CAST: variants seen among roughly 807,000 people sequenced by gnomAD.
The protein encoded by CAST is MIR583 host.
CAST carries 76 observed loss-of-function variants against 119.6 expected under a neutral mutation model. That is an observed-to-expected ratio of 0.64 (90% CI 0.53 to 0.77). The LOEUF (loss-of-function observed/expected upper bound fraction) is 0.77. Among genes scored for constraint, CAST ranks in the 30% least tolerant of loss-of-function variants. The pLI, the probability that CAST is intolerant of heterozygous loss-of-function variation, is 0.00. For synonymous variants in CAST, 319 were observed against 331.6 expected (o/e 0.96, Z 0.41); for missense variants, 953 against 946.5 (o/e 1.01, Z -0.09).
At chr5:96,735,300 C>G (rs1433133989) in intron 9 of CAST, among the ~76,000 whole-genome samples, 1 of 152,206 alleles carries the variant, frequency 6.6e-6, no homozygotes, top group African/African-American at 2.4e-5. Flanking sequence ...TTATGCAAAC[C>G]TTGGCAGTCA....
chr5:96,677,963 A>G (rs1750905118), intron 2 of CAST, among the ~76,000 whole-genome samples: 1 of 152,226 alleles, frequency 6.6e-6, no homozygotes, highest in South Asian at 2.1e-4. Flanking sequence ...AAAGGGCCTC[A>G]TTCTTTATGT....
intron 1 of CAST, among the ~76,000 whole-genome samples, chr5:96,581,927 G>A (rs1402311626): frequency 7.0e-6 from 1 of 142,852 alleles, no homozygotes; most frequent in Non-Finnish European, 1.5e-5. Flanking sequence ...TAAACAATCT[G>A]AATACCCATC....
At position 96,534,737 on chromosome 5, in the gene CAST, G is replaced by GAGAGAGAGAGAGAAAGAGAA. The variant is rs1561408818; in HGVS notation, c.60+4862_60+4863insGAGAGAGAAAGAGAAAGAGA. ...AAGGAGAGAGAGAGAGAGAGAGAGAGAGAGAAAGAAAGAAAGAAAGAAAGA... is the reference window on the plus strand; with the variant it reads ...AAGGAGAGAGAGAGAGAGAGAGAGAGAGAGAGAGAGAGAAAGAGAAAGAGAAAGAAAGAAAGAAAGAAAGA... On this transcript the variant is annotated intron_variant, in intron 1 of 11. Coordinates refer to the CAST transcript ENST00000505143. 2.8e-4 allele frequency among the ~76,000 whole-genome samples: 4 copies of GAGAGAGAGAGAGAAAGAGAA among 14,230 alleles called. 1 individual carries two copies. The highest frequency in any genetic ancestry group is 8.6e-4 in the African/African-American group (4 of 4,648). The allele number at this position is 14,230 out of a possible 152,430, so 9.3% of individuals were successfully genotyped here.
chr5:96,719,936 C>G (rs1043162480), intron 3 of CAST, among the ~76,000 whole-genome samples: 3 of 152,190 alleles, frequency 2.0e-5, no homozygotes, highest in Non-Finnish European at 4.4e-5. Context: ...AACTGCCTGT[C>G]TCAACTATCC....
the CAST span, among the ~76,000 whole-genome samples, chr5:96,328,586 T>G: frequency 6.6e-6 from 1 of 152,182 alleles, no homozygotes; most frequent in Non-Finnish European, 1.5e-5. Context: ...TCTTTCTCAC[T>G]CGCTCACTGC....
At chr5:95,967,166 G>A in the CAST span, among the ~76,000 whole-genome samples, 12 of 152,166 alleles carry the variant, frequency 7.9e-5, no homozygotes, top group Non-Finnish European at 1.8e-4. Context: ...GGGAGGGAAT[G>A]TTTGTTTAGC....
chr5:96,768,731 C>A (rs1484928673), intron 29 of CAST, among the ~76,000 whole-genome samples: 2 of 152,184 alleles, frequency 1.3e-5, no homozygotes, highest in African/African-American at 2.4e-5. Flanking sequence ...GAGCTTCCTC[C>A]CCTTTTCTGT....
chr5:96,710,347 A>C (rs1755863071), intron 3 of CAST, among the ~76,000 whole-genome samples: 1 of 152,178 alleles, frequency 6.6e-6, no homozygotes, highest in South Asian at 2.1e-4. Context: ...GAGCCACTAC[A>C]AAGCCATCTT....
the CAST span, among the ~76,000 whole-genome samples, chr5:96,166,229 A>C: frequency 6.6e-6 from 1 of 152,206 alleles, no homozygotes; most frequent in Non-Finnish European, 1.5e-5. Flanking sequence ...ATAATTAGGA[A>C]ATGATGTTTT....
chr5:95,995,974 T>C, the CAST span, among the ~76,000 whole-genome samples: 1 of 152,162 alleles, frequency 6.6e-6, no homozygotes, highest in Non-Finnish European at 1.5e-5. Flanking sequence ...ATGGTAGACA[T>C]ATGACATCAT....
chr5:96,744,195 CCTCTTTTCCA>C (rs1763271239), intron 16 of CAST, among the ~76,000 whole-genome samples: 1 of 152,132 alleles, frequency 6.6e-6, no homozygotes, highest in African/African-American at 2.4e-5. Flanking sequence ...AAAAAGAACT[CCTCTTTTCCA>C]CTCTTATGAC....
chr5:96,477,528 C>T, the CAST span, among the ~76,000 whole-genome samples: 1 of 152,238 alleles, frequency 6.6e-6, no homozygotes, highest in African/African-American at 2.4e-5. Context: ...ACTCTTACCA[C>T]AGTCACCATG....
chr5:96,609,910 T>C (rs1034486997), intron 1 of CAST, among the ~76,000 whole-genome samples: 1 of 152,128 alleles, frequency 6.6e-6, no homozygotes, highest in Admixed American at 6.5e-5. Context: ...ACTGTGGGCA[T>C]GGCATGATTG....
the CAST span, among the ~76,000 whole-genome samples, chr5:96,197,417 A>G: frequency 6.6e-6 from 1 of 152,196 alleles, no homozygotes; most frequent in Non-Finnish European, 1.5e-5. Context: ...AGAGGAATAC[A>G]GAGATGAATA....
At chr5:96,005,992 G>T in the CAST span, among the ~76,000 whole-genome samples, 1 of 152,012 alleles carries the variant, frequency 6.6e-6, no homozygotes, top group Non-Finnish European at 1.5e-5. Flanking sequence ...TGTCTATATA[G>T]GTTTTAGATT....
chr5:96,481,429 C>A, the CAST span, among the ~76,000 whole-genome samples: 1 of 152,112 alleles, frequency 6.6e-6, no homozygotes, highest in African/African-American at 2.4e-5. Context: ...TCATTATTGC[C>A]TACCCACTCT....
chr5:96,640,289 GA>G (rs1747934528), intron 1 of CAST, among the ~76,000 whole-genome samples: 1 of 152,142 alleles, frequency 6.6e-6, no homozygotes, highest in Non-Finnish European at 1.5e-5. Flanking sequence ...GCCAGGGGAG[GA>G]AAAACTCTAG....
At chr5:96,278,037 G>GT in the CAST span, among the ~76,000 whole-genome samples, 591 of 145,990 alleles carry the variant, frequency 4.0e-3, 6 homozygotes, top group African/African-American at 0.012. Context: ...TTAAAATAGA[G>GT]TTTTTTTTTT....
intron 1 of CAST, among the ~76,000 whole-genome samples, chr5:96,642,074 TCTCATTATCTC>T (rs1747957381): frequency 6.6e-6 from 1 of 152,210 alleles, no homozygotes; most frequent in African/African-American, 2.4e-5. Flanking sequence ...TTTATCTTAC[TCTCATTATCTC>T]CCCATGCACT....
Sources: gnomAD v4.1 joint callset for allele counts (sites outside exome capture counted in the v4.1 genomes callset) on GRCh38, gnomAD v4.1.1 for gene constraint, MANE v1.5 for transcripts, NCBI Gene and HGNC (gene_info 2026-07-23, HGNC 2026-07-21) for gene names.